AANAT: variants seen among roughly 807,000 people sequenced by gnomAD.
AANAT encodes serotonin N-acetyltransferase.
AANAT carries 11 observed loss-of-function variants against 15.6 expected under a neutral mutation model. The observed-to-expected ratio is 0.71, with a 90% CI of 0.44 to 1.17. AANAT has a LOEUF of 1.17. AANAT is among the 50% of genes most tolerant of loss of function. The pLI is 0.00. For synonymous variants in AANAT, 139 were observed against 131.5 expected, an observed-to-expected ratio of 1.06 and a Z score of -0.39; for missense variants, 286 against 296.3, an observed-to-expected ratio of 0.97 and a Z score of 0.26.
chr17:76,457,288 C>T (rs1335573767), intron 1 of AANAT, among the ~76,000 whole-genome samples: 1 of 152,128 alleles, frequency 6.6e-6, no homozygotes, highest in Non-Finnish European at 1.5e-5. Context: ...ATGATCCACC[C>T]GCCTTGCCCT....
In AANAT at chr17:76,469,010, G is replaced by C; in HGVS notation, c.163+101G>C. On this transcript the variant is annotated intron_variant, in intron 2 of 3. Coordinates refer to ENST00000392492, the MANE Select transcript of AANAT (RefSeq NM_001088.3). This position sits in a 1 kb window ranked among gnomAD's most constrained non-coding sequence, Gnocchi z 5.2. The stretch of plus-strand genomic sequence containing the variant: ...TCCTGTCCTTGGAGGCTGGGTCCCA[G>C]AGTATCAGACCATGTGTGCGCTCAA... 6.7e-7 allele frequency: 1 copy of C among 1,490,380 alleles called. No individual in the cohort carries two copies. Among genetic ancestry groups the C allele is most frequent in the Non-Finnish European group, 9.2e-7 (1 of 1,091,702 alleles). 92.3% of individuals were successfully genotyped at this position (1,490,380 alleles called of 1,614,324 possible). A position where few individuals can be genotyped will look rare whatever the true frequency, so the allele number is the denominator to read the frequency against.
Position 76,469,173 on chromosome 17 carries a change from C to T in AANAT, c.164C>T (p.Ala55Val), listed in dbSNP as rs2073480894. ...AVSAFEIERE[A>V]FISVLGVCPL... ...CACCCACCTGAGCCTCCTGCCACAGCCTTCATCTCCGTCTTGGGCGTCTGC... is the reference window on the plus strand; with the variant it reads ...CACCCACCTGAGCCTCCTGCCACAGTCTTCATCTCCGTCTTGGGCGTCTGC... The change falls in exon 3 of 4, where the codon GCC (alanine) becomes GTC (valine). Residue 55 changes from alanine to valine, a missense_variant and splice_region_variant. Transcript: ENST00000392492. This position sits in a 1 kb window ranked among gnomAD's most constrained non-coding sequence, Gnocchi z 5.2. 1 of 1,614,060 alleles carries T rather than the reference C, an allele frequency of 6.2e-7. No homozygotes were observed. Among genetic ancestry groups the T allele is most frequent in the East Asian group, 2.2e-5 (1 of 44,878 alleles).
chr17:76,455,635 T>TTGAC (rs56297163), intron 1 of AANAT, among the ~76,000 whole-genome samples: 19 of 151,766 alleles, frequency 1.3e-4, no homozygotes, highest in African/African-American at 4.6e-4. Flanking sequence ...GTAAGTTGGA[T>TTGAC]ATTACAGTAT....
At chr17:76,455,871 G>GGTGTA (rs1372779975) in intron 1 of AANAT, among the ~76,000 whole-genome samples, 6 of 152,126 alleles carry the variant, frequency 3.9e-5, no homozygotes, top group Admixed American at 3.9e-4. Context: ...AAATTAGCCA[G>GGTGTA]GTGTAGTGGC....
chr17:76,464,797 A>ATT (rs1251437197), upstream of AANAT, among the ~76,000 whole-genome samples: 6 of 109,470 alleles, frequency 5.5e-5, no homozygotes, highest in Non-Finnish European at 1.4e-4. Context: ...CTGTATCTAT[A>ATT]TATTTTTTTT....
Position 76,469,184 on chromosome 17 carries a change from G to C in AANAT, c.175G>C (p.Val59Leu). ...FEIEREAFIS[V>L]LGVCPLYLDE... The stretch of plus-strand genomic sequence containing the variant: ...GCCTCCTGCCACAGCCTTCATCTCC[G>C]TCTTGGGCGTCTGCCCCCTGTACCT... The change falls in exon 3 of 4, where the codon GTC becomes CTC. Residue 59 changes from valine to leucine, a missense_variant. Physicochemically the swap from Val to Leu is conservative, Grantham distance 32. Coordinates refer to ENST00000392492, the MANE Select transcript of AANAT (RefSeq NM_001088.3). The surrounding 1 kb of genome is among the most constrained non-coding windows in gnomAD (Gnocchi z 5.2). The C allele has an allele frequency of 6.2e-7, 1 of 1,614,098 alleles. No individual in the cohort carries two copies.
chr17:76,463,027 T>A (rs746198170), upstream of AANAT, among the ~76,000 whole-genome samples: 3 of 152,148 alleles, frequency 2.0e-5, no homozygotes, highest in Non-Finnish European at 4.4e-5. Context: ...TGTGTCTCCA[T>A]GCGGGAAGCT....
upstream of AANAT, among the ~76,000 whole-genome samples, chr17:76,465,219 G>A (rs559420584): frequency 2.6e-5 from 4 of 152,114 alleles, no homozygotes; most frequent in East Asian, 3.9e-4. Flanking sequence ...CACCAGAGGC[G>A]TTGCCAGCAC....
At position 76,469,852 on chromosome 17, in the gene AANAT, A is replaced by G; in HGVS notation, c.506A>G (p.Glu169Gly). The change falls in exon 4 of 4, where the codon GAG (glutamate) becomes GGG (glycine). Residue 169 changes from glutamate to glycine, a missense_variant. Physicochemically the swap from Glu to Gly is moderately conservative, Grantham distance 98. Coordinates refer to ENST00000392492, the MANE Select transcript of AANAT (RefSeq NM_001088.3). This position sits in a 1 kb window ranked among gnomAD's most constrained non-coding sequence, Gnocchi z 5.2. ...GAGGACGCGCTGGTACCCTTCTATG[A>G]GAGGTTCAGCTTCCACGCCGTGGGC... The part of the protein sequence containing the change: ...MCEDALVPFY[E>G]RFSFHAVGPC... 6.2e-7 allele frequency: 1 copy of G among 1,604,036 alleles called. No homozygotes were observed. Among genetic ancestry groups the G allele is most frequent in the Admixed American group, 1.7e-5 (1 of 58,856 alleles).
rs974805191 is a variant in AANAT, at chr17:76,469,415, G to C, written c.318+88G>C. 2.6e-6 allele frequency: 4 copies of C among 1,549,494 alleles called. No homozygotes were observed. Among genetic ancestry groups the C allele is most frequent in the South Asian group, 1.2e-5 (1 of 84,882 alleles). On this transcript the variant is annotated intron_variant, in intron 3 of 3. Transcript: ENST00000392492. This position sits in a 1 kb window ranked among gnomAD's most constrained non-coding sequence, Gnocchi z 5.2. ...GGCGGGGAGGGGAGCCCAGGGGCTG[G>C]GATTTCTTCCTCCAGAACTGGAGAG...
chr17:76,454,197 C>T (rs1484094282), intron 1 of AANAT, among the ~76,000 whole-genome samples: 1 of 152,142 alleles, frequency 6.6e-6, no homozygotes, highest in African/African-American at 2.4e-5. Flanking sequence ...AAAAAGTAGG[C>T]CGGGCGCGGC....
intron 2 of AANAT, among the ~76,000 whole-genome samples, chr17:76,459,684 A>G (rs982817242): frequency 6.6e-6 from 1 of 152,226 alleles, no homozygotes; most frequent in Admixed American, 6.5e-5. Flanking sequence ...TCACTATGTG[A>G]CCTTGGGCAA....
upstream of AANAT, among the ~76,000 whole-genome samples, chr17:76,463,151 G>T (rs1360216654): frequency 6.6e-6 from 1 of 152,132 alleles, no homozygotes; most frequent in Non-Finnish European, 1.5e-5. Flanking sequence ...CCCGGGATGG[G>T]GTGGGGGCCG....
At chr17:76,465,512 T>A (rs2073428815), upstream of AANAT, among the ~76,000 whole-genome samples, 1 of 151,916 alleles carries the variant, frequency 6.6e-6, no homozygotes, top group Non-Finnish European at 1.5e-5. Flanking sequence ...ATTTTTAAAT[T>A]TTTTGTAGAG....
In AANAT at chr17:76,467,742, C is replaced by T; in HGVS notation, c.-76+15C>T. The T allele has an allele frequency of 1.0e-6, 1 of 985,272 alleles. No homozygotes were observed. Among genetic ancestry groups the T allele is most frequent in the South Asian group, 4.7e-5 (1 of 21,284 alleles). 61.0% of individuals were successfully genotyped at this position (985,272 alleles called of 1,614,324 possible). A position where few individuals can be genotyped will look rare whatever the true frequency, so the allele number is the denominator to read the frequency against. ...CCACAGTCCAGGTAGGTGGGACCCC[C>T]ACTCCTGGCTCTCAGCCTTTAGGAA... On this transcript the variant is annotated intron_variant, in intron 1 of 3. Transcript: ENST00000392492.
At chr17:76,459,971 T>C (rs2143964726) in intron 2 of AANAT, among the ~76,000 whole-genome samples, 1 of 152,208 alleles carries the variant, frequency 6.6e-6, no homozygotes, top group South Asian at 2.1e-4. Flanking sequence ...GCACGGTCAT[T>C]GGACTCTTGG....
upstream of AANAT, among the ~76,000 whole-genome samples, chr17:76,465,071 A>G (rs1405865954): frequency 1.3e-5 from 2 of 152,122 alleles, no homozygotes; most frequent in Non-Finnish European, 2.9e-5. Flanking sequence ...TGCTGGGATT[A>G]CAGGCATGAG....
intron 1 of AANAT, among the ~76,000 whole-genome samples, chr17:76,457,188 G>A (rs1006692309): frequency 9.2e-5 from 14 of 151,990 alleles, no homozygotes; most frequent in Non-Finnish European, 1.6e-4. Context: ...GATTACAGGC[G>A]CCCACCACCA....
At chr17:76,466,677 T>C (rs548252866), upstream of AANAT, among the ~76,000 whole-genome samples, 124 of 152,308 alleles carry the variant, frequency 8.1e-4, no homozygotes, top group African/African-American at 2.9e-3. Flanking sequence ...CTGAGCAGGT[T>C]ACTGAACCTG....
Sources: allele counts gnomAD v4.1 joint callset (sites outside exome capture counted in the v4.1 genomes callset), GRCh38; gene constraint gnomAD v4.1.1; non-coding constraint Gnocchi (gnomAD v3.1); transcripts MANE v1.5; gene names NCBI Gene and HGNC (gene_info 2026-07-23, HGNC 2026-07-21).